ULK4: variants seen among roughly 807,000 people sequenced by gnomAD.
ULK4 encodes inactive serine/threonine-protein kinase ULK4.
Under a neutral mutation model 160.6 loss-of-function variants are expected in ULK4, and 133 were observed. That is an observed-to-expected ratio of 0.83 (90% CI 0.72 to 0.96). The LOEUF is 0.96. Among genes scored for constraint, ULK4 ranks in the 40% least tolerant of loss-of-function variants. The pLI, the probability that ULK4 is intolerant of heterozygous loss-of-function variation, is 0.00. For synonymous variants in ULK4, 534 were observed against 539.8 expected, an observed-to-expected ratio of 0.99 and a Z score of 0.15; for missense variants, 1,580 against 1,499.5, an observed-to-expected ratio of 1.05 and a Z score of -0.89.
At chr3:41,482,439 G>A (rs1024304924) in intron 32 of ULK4, among the ~76,000 whole-genome samples, 2 of 152,118 alleles carry the variant, frequency 1.3e-5, no homozygotes, top group Non-Finnish European at 2.9e-5. Flanking sequence ...TGGCCAGAGA[G>A]GAGAAACTTG....
At chr3:41,694,329 T>A (rs982486094) in intron 27 of ULK4, among the ~76,000 whole-genome samples, 1 of 152,168 alleles carries the variant, frequency 6.6e-6, no homozygotes, top group Non-Finnish European at 1.5e-5. Flanking sequence ...GACAGAACAA[T>A]GTGTCCACAC....
intron 31 of ULK4, among the ~76,000 whole-genome samples, chr3:41,576,230 A>G (rs2088184279): frequency 6.6e-6 from 1 of 152,158 alleles, no homozygotes; most frequent in Admixed American, 6.5e-5. Context: ...AACTAATGTC[A>G]CTCTTAAAAA....
At chr3:41,693,976 T>C (rs1190050972) in intron 27 of ULK4, among the ~76,000 whole-genome samples, 2 of 152,214 alleles carry the variant, frequency 1.3e-5, no homozygotes, top group African/African-American at 2.4e-5. Flanking sequence ...ATACTCCCAG[T>C]GTTGCTTGGA....
chr3:41,747,661 G>C (rs1240196448), intron 22 of ULK4, among the ~76,000 whole-genome samples: 1 of 152,064 alleles, frequency 6.6e-6, no homozygotes, highest in Non-Finnish European at 1.5e-5. Context: ...GGGTAATTAA[G>C]GCTAAATGAC....
chr3:41,756,324 A>C (rs1487034629), intron 21 of ULK4, among the ~76,000 whole-genome samples: 1 of 152,152 alleles, frequency 6.6e-6, no homozygotes, highest in Non-Finnish European at 1.5e-5. Flanking sequence ...TATTCTACAA[A>C]TTTTAGCCAC....
At chr3:41,937,982 C>T in intron 3 of ULK4, 116 bp downstream of exon 3, 1 of 679,594 alleles carries the variant, frequency 1.5e-6, no homozygotes, top group Non-Finnish European at 2.2e-6. Flanking sequence ...CCCTAATATC[C>T]ACAGAGCAAT....
Position 41,282,064 on chromosome 3 carries a change from G to C in ULK4, c.3679-32490C>G, listed in dbSNP as rs563844973. ...CTCCCATTCACAATTGCTTCAAAGA[G>C]AATAAAATACCTAGGAATCCAACTT... On this transcript the variant is annotated intron_variant, in intron 35 of 36. Coordinates refer to ENST00000301831, the MANE Select transcript of ULK4 (RefSeq NM_017886.4). Among the ~76,000 whole-genome samples, 21 of 152,102 alleles carry C rather than the reference G, an allele frequency of 1.4e-4. No homozygotes were observed. In the East Asian group the frequency reaches 3.9e-3, roughly 28 times the overall value.
chr3:41,580,433 A>G (rs766480867), intron 31 of ULK4, among the ~76,000 whole-genome samples: 4 of 151,862 alleles, frequency 2.6e-5, no homozygotes, highest in Non-Finnish European at 4.4e-5. Context: ...CTATATATTG[A>G]AATTTGGATA....
chr3:41,762,452 T>C (rs1021730945), intron 21 of ULK4, among the ~76,000 whole-genome samples: 2 of 152,156 alleles, frequency 1.3e-5, no homozygotes, highest in African/African-American at 4.8e-5. Flanking sequence ...GAAAACACTA[T>C]TGTATTAGCC....
intron 32 of ULK4, among the ~76,000 whole-genome samples, chr3:41,562,108 T>C (rs1290034141): frequency 1.3e-5 from 2 of 152,218 alleles, no homozygotes; most frequent in African/African-American, 4.8e-5. Flanking sequence ...CTGCCTTCAT[T>C]TCCTTATTTA....
At chr3:41,514,708 A>G (rs2085694840) in intron 32 of ULK4, among the ~76,000 whole-genome samples, 1 of 152,172 alleles carries the variant, frequency 6.6e-6, no homozygotes, top group African/African-American at 2.4e-5. Context: ...GTTCTTATTC[A>G]TAAGTGGGAG....
intron 19 of ULK4, 133 bp downstream of exon 19, chr3:41,819,290 T>C: frequency 2.7e-6 from 2 of 734,858 alleles, no homozygotes; most frequent in East Asian, 2.6e-5. Flanking sequence ...TGGTAGGTTG[T>C]CGGGATTATT....
At chr3:41,820,363 A>G (rs1299462336) in intron 18 of ULK4, among the ~76,000 whole-genome samples, 1 of 152,158 alleles carries the variant, frequency 6.6e-6, no homozygotes, top group African/African-American at 2.4e-5. Flanking sequence ...ACACACACTC[A>G]TATATTCATC....
At chr3:41,348,722 C>CT (rs2080853762) in intron 35 of ULK4, among the ~76,000 whole-genome samples, 1 of 152,084 alleles carries the variant, frequency 6.6e-6, no homozygotes, top group Admixed American at 6.6e-5. Context: ...AACAGAAGTC[C>CT]TTTATATCTG....
chr3:41,342,343 T>C (rs925258575), intron 35 of ULK4, among the ~76,000 whole-genome samples: 8 of 152,222 alleles, frequency 5.3e-5, no homozygotes, highest in African/African-American at 1.9e-4. Context: ...TGCTTCCATC[T>C]TGAATTTCCA....
At position 41,598,025 on chromosome 3, in the gene ULK4, G is replaced by A. The variant is rs547603285; in HGVS notation, c.3120+17644C>T. On this transcript the variant is annotated intron_variant, in intron 31 of 36. Transcript: ENST00000301831. ...ATCTTTCAGTACTGGCAGATCCTGCGTTCCCAAAGGGCTCAAGCTAATAAG... is the reference window on the plus strand; with the variant it reads ...ATCTTTCAGTACTGGCAGATCCTGCATTCCCAAAGGGCTCAAGCTAATAAG... 6.6e-5 allele frequency among the ~76,000 whole-genome samples: 10 copies of A among 152,262 alleles called. No homozygotes were observed. The East Asian group carries it at 7.7e-4, about 12-fold the overall frequency.
chr3:41,907,905 T>G lies in ULK4; in HGVS notation c.1122A>C (p.Glu374Asp). 1 of 1,606,742 alleles carries G rather than the reference T, an allele frequency of 6.2e-7. No homozygotes were observed. The highest frequency in any genetic ancestry group is 1.3e-5 in the African/African-American group (1 of 74,610). ...GAGTCATATCCTCACCAGGACTTACTTCCACTGCAGTGCTAGTTCTGGGAG... is the reference window on the plus strand; with the variant it reads ...GAGTCATATCCTCACCAGGACTTACGTCCACTGCAGTGCTAGTTCTGGGAG... ...RPTPRTSTAVEVSPGEDMTHC... is the reference protein window; with the variant it reads ...RPTPRTSTAVDVSPGEDMTHC... The change falls in exon 12 of 37, where the codon GAA becomes GAC. Residue 374 changes from glutamate to aspartate, a missense_variant. Glu to Asp is a conservative substitution (Grantham distance 45). Transcript: ENST00000301831.
In ULK4 at chr3:41,775,113, C is replaced by G. The variant is rs927665778; in HGVS notation, c.2193+14548G>C. Among the ~76,000 whole-genome samples, 8 of 149,246 alleles carry G rather than the reference C, an allele frequency of 5.4e-5. 1 individual carries two copies. Among genetic ancestry groups the G allele is most frequent in the African/African-American group, 2.0e-4 (8 of 39,048 alleles). On this transcript the variant is annotated intron_variant, in intron 21 of 36. Transcript: ENST00000301831. ...GGAGGGATACCATTAGGAGATATAC[C>G]TAATGCTAAATGACCAGTTAATGGG...
chr3:41,724,418 G>T (rs1388936971), intron 22 of ULK4, among the ~76,000 whole-genome samples: 3 of 152,086 alleles, frequency 2.0e-5, no homozygotes, highest in Non-Finnish European at 4.4e-5. Context: ...ACTCCAACAG[G>T]TAGATATAAG....
Sources: gnomAD v4.1 joint callset for allele counts (sites outside exome capture counted in the v4.1 genomes callset) on GRCh38, gnomAD v4.1.1 for gene constraint, MANE v1.5 for transcripts, NCBI Gene and HGNC (gene_info 2026-07-23, HGNC 2026-07-21) for gene names.